DNAH6: variants seen among roughly 807,000 people sequenced by gnomAD.
DNAH6 encodes the protein dynein axonemal heavy chain 6.
Under a neutral mutation model 491.4 loss-of-function variants are expected in DNAH6, and 340 were observed. The observed-to-expected ratio is 0.69, with a 90% CI of 0.63 to 0.76. The LOEUF (loss-of-function observed/expected upper bound fraction) is 0.76, where lower values mean the gene tolerates loss of function less well. DNAH6 is among the 30% of genes least tolerant of loss of function. The pLI is 0.00. For missense variants in DNAH6, 4,443 were observed against 4,972.2 expected (o/e 0.89, Z 3.20); for synonymous variants, 1,603 against 1,686.1 (o/e 0.95, Z 1.21).
At chr2:84,793,565 G>A (rs947834884) in intron 68 of DNAH6, among the ~76,000 whole-genome samples, 1 of 152,152 alleles carries the variant, frequency 6.6e-6, no homozygotes, top group Non-Finnish European at 1.5e-5. Flanking sequence ...GACCCAAGAG[G>A]AGCTTCAAGT....
rs571025980 is a variant in DNAH6, at chr2:84,803,909, G to A, written c.11482-1756G>A. On this transcript the variant is annotated intron_variant, in intron 70 of 76. Coordinates refer to ENST00000389394, the MANE Select transcript of DNAH6 (RefSeq NM_001370.2). ...ATTCATACAAACATATTCTATTCCC[G>A]AAGTGTAATAAGATCAGCTGGGCAC... Among the ~76,000 whole-genome samples, 31 of 152,078 alleles carry A rather than the reference G, an allele frequency of 2.0e-4. No individual in the cohort carries two copies. The South Asian group carries it at 5.2e-3, about 25-fold the overall frequency.
At chr2:84,745,591 A>G (rs548336266) in intron 63 of DNAH6, among the ~76,000 whole-genome samples, 1 of 151,274 alleles carries the variant, frequency 6.6e-6, no homozygotes, top group Non-Finnish European at 1.5e-5. Flanking sequence ...GCATGAACCC[A>G]GGAGGCAGAG....
chr2:84,626,631 G>A (rs747253661), intron 29 of DNAH6, among the ~76,000 whole-genome samples: 1 of 151,898 alleles, frequency 6.6e-6, no homozygotes, highest in Non-Finnish European at 1.5e-5. Flanking sequence ...ATTTTGAGAC[G>A]GAGTCTCGCT....
At chr2:84,472,109 C>A in the DNAH6 span, among the ~76,000 whole-genome samples, 1 of 152,044 alleles carries the variant, frequency 6.6e-6, no homozygotes, top group Non-Finnish European at 1.5e-5. Flanking sequence ...TGTTTTGCTG[C>A]AGTTATGGGT....
intron 41 of DNAH6, among the ~76,000 whole-genome samples, chr2:84,677,865 A>T (rs1164350434): frequency 6.6e-6 from 1 of 152,210 alleles, no homozygotes; most frequent in Non-Finnish European, 1.5e-5. Context: ...TCTTAGGAAC[A>T]GGAAGTGCTG....
intron 63 of DNAH6, among the ~76,000 whole-genome samples, chr2:84,759,247 C>G (rs1404725947): frequency 6.6e-6 from 1 of 151,924 alleles, no homozygotes; most frequent in Non-Finnish European, 1.5e-5. Context: ...GTGACTCACA[C>G]CTGTAATCCT....
intron 8 of DNAH6, 42 bp downstream of exon 8, chr2:84,548,459 C>A (rs747889923): frequency 1.9e-6 from 3 of 1,608,242 alleles, no homozygotes; most frequent in Non-Finnish European, 1.7e-6. Context: ...TAGTACCCAT[C>A]TTAAGCTGCA....
Position 84,694,308 on chromosome 2 carries a change from C to T in DNAH6, c.7352C>T (p.Thr2451Ile), listed in dbSNP as rs1695169488. ...GNALLVGVGG[T>I]GKQSLTRLAA... ...GCCCTGCTTGTTGGAGTAGGAGGCA[C>T]AGGAAAGCAGTCACTCACGAGACTT... is the stretch of plus-strand genomic sequence containing the variant. The change falls in exon 46 of 77, where the codon ACA (threonine) becomes ATA (isoleucine). Residue 2451 changes from threonine (T) to isoleucine (I), a missense_variant. Thr to Ile is a moderately conservative substitution (Grantham distance 89). Transcript: ENST00000389394. 6.4e-7 allele frequency: 1 copy of T among 1,552,134 alleles called. No individual in the cohort carries two copies. Among genetic ancestry groups the T allele is most frequent in the Non-Finnish European group, 8.7e-7 (1 of 1,147,120 alleles).
At chr2:84,635,146 C>T (rs746906564) in intron 30 of DNAH6, among the ~76,000 whole-genome samples, 5 of 152,146 alleles carry the variant, frequency 3.3e-5, no homozygotes, top group Admixed American at 2.0e-4. Context: ...AGCTCTAGCT[C>T]CAGAGGCAGA....
At chr2:84,813,909 G>T (rs1680241771) in intron 74 of DNAH6, 62 bp from the exon 75 acceptor site, 3 of 1,520,308 alleles carry the variant, frequency 2.0e-6, no homozygotes, top group African/African-American at 1.4e-5. Flanking sequence ...GGATGAAGGG[G>T]AATAGTGCCT....
In DNAH6 at chr2:84,694,533, A is replaced by ACCCATACAT; in HGVS notation, c.7524+53_7524+54insCCCATACAT. Reference sequence around the variant, plus strand: ...GAACAGGAAATGTATGGGTGTTACAATCGGGTGTGTGCTTTGAACAGTTTG... The same window carrying ACCCATACAT: ...GAACAGGAAATGTATGGGTGTTACAACCCATACATTCGGGTGTGTGCTTTGAACAGTTTG... On this transcript the variant is annotated intron_variant, in intron 46 of 76. Transcript: ENST00000389394. 5.3e-6 allele frequency: 7 copies of ACCCATACAT among 1,323,184 alleles called. No homozygotes were observed. The South Asian group carries it at 9.1e-5, about 17-fold the overall frequency. The allele number at this position is 1,323,184 out of a possible 1,614,324, so 82.0% of individuals were successfully genotyped here. A position where few individuals can be genotyped will look rare whatever the true frequency, so the allele number is the denominator to read the frequency against.
chr2:84,595,331 A>G (rs1684478207), intron 17 of DNAH6, among the ~76,000 whole-genome samples: 1 of 152,194 alleles, frequency 6.6e-6, no homozygotes, highest in African/African-American at 2.4e-5. Flanking sequence ...ATAGAAGACT[A>G]CTAGGTGAGA....
chr2:84,767,544 A>G (rs1020015158), intron 64 of DNAH6, among the ~76,000 whole-genome samples: 2 of 152,096 alleles, frequency 1.3e-5, no homozygotes, highest in Admixed American at 1.3e-4. Context: ...ATGTATATAT[A>G]TAGATACACA....
intron 64 of DNAH6, among the ~76,000 whole-genome samples, chr2:84,773,075 A>AT (rs755856173): frequency 6.6e-6 from 1 of 152,098 alleles, no homozygotes; most frequent in South Asian, 2.1e-4. Flanking sequence ...TACTTTATTC[A>AT]TTTTTTTAAA....
chr2:84,640,461 G>C lies in DNAH6; in HGVS notation c.4853G>C (p.Ser1618Thr), dbSNP rs1339145084. Residue 1618 changes from serine (S) to threonine (T), a missense_variant, in exon 32 of 77, where the codon AGT becomes ACT. By Grantham distance (58) the Ser-to-Thr change is moderately conservative (BLOSUM62 1). Transcript: ENST00000389394. ...CTATATTCTGAAGGATTTGAATCCA[G>C]TAAAATATTAGCAAGAAAAATGACT... Reference protein sequence around the residue: ...VILYSEGFESSKILARKMTQM... With the variant: ...VILYSEGFESTKILARKMTQM... 1 of 1,534,580 alleles carries C rather than the reference G, an allele frequency of 6.5e-7. No homozygotes were observed. The highest frequency in any genetic ancestry group is 1.4e-5 in the African/African-American group (1 of 72,796).
chr2:84,725,911 C>T (rs1698579670), intron 60 of DNAH6, among the ~76,000 whole-genome samples: 1 of 152,162 alleles, frequency 6.6e-6, no homozygotes, highest in South Asian at 2.1e-4. Flanking sequence ...CCTCTTTTCT[C>T]CTGAGTGTGT....
chr2:84,624,997 A>T lies in DNAH6; in HGVS notation c.4449A>T (p.Lys1483Asn), dbSNP rs771639616. The change falls in exon 29 of 77, where the codon AAA (lysine) becomes AAT (asparagine). Residue 1483 changes from lysine to asparagine, a missense_variant. Lys to Asn is a moderately conservative substitution (Grantham distance 94). This residue lies in a region of DNAH6 where 2,977 missense variants were observed against 3,296.6 expected (regional missense o/e 0.90). Coordinates refer to ENST00000389394, the MANE Select transcript of DNAH6 (RefSeq NM_001370.2). Reference protein sequence around the residue: ...PAGTGKTETTKDLAKALAIQC... With the variant: ...PAGTGKTETTNDLAKALAIQC... ...GCACTGGGAAAACAGAGACTACCAA[A>T]GATCTGGCAAAAGCTCTTGCCATCC... is the stretch of plus-strand genomic sequence containing the variant. 9 of 1,551,644 alleles carry T rather than the reference A, an allele frequency of 5.8e-6. 1 individual carries two copies. In the South Asian group the frequency reaches 1.1e-4, roughly 18 times the overall value.
intron 60 of DNAH6, among the ~76,000 whole-genome samples, 197 bp from the exon 61 acceptor site, chr2:84,727,472 A>G (rs1698743160): frequency 6.6e-6 from 1 of 152,312 alleles, no homozygotes; most frequent in Non-Finnish European, 1.5e-5. Flanking sequence ...AAGATTGTTC[A>G]TAATTCAAAG....
intron 11 of DNAH6, among the ~76,000 whole-genome samples, chr2:84,564,325 C>T (rs755207215): frequency 1.3e-5 from 2 of 152,038 alleles, no homozygotes; most frequent in East Asian, 1.9e-4. Context: ...TTCCAGTCCA[C>T]GAGCATGGAA....
Sources: allele counts gnomAD v4.1 joint callset (sites outside exome capture counted in the v4.1 genomes callset), GRCh38; gene constraint gnomAD v4.1.1; regional missense constraint gnomAD v4.1.1; transcripts MANE v1.5; gene names NCBI Gene and HGNC (gene_info 2026-07-23, HGNC 2026-07-21).